The following PCDHGA3 variants were observed in gnomAD, a reference collection of about 807,000 sequenced individuals.
PCDHGA3 encodes the protein protocadherin gamma-A3.
In PCDHGA3, 40 loss-of-function variants were observed where a neutral mutation model predicts 58.5. That is an observed-to-expected ratio of 0.68 (90% confidence interval 0.53 to 0.89). PCDHGA3 has a LOEUF of 0.89. Among genes scored for constraint, PCDHGA3 ranks in the 40% least tolerant of loss-of-function variants. The pLI, the probability that PCDHGA3 is intolerant of heterozygous loss-of-function variation, is 0.00. For missense variants in PCDHGA3, 1,223 were observed against 1,195.9 expected (o/e 1.02, Z -0.33); for synonymous variants, 530 against 525.7 (o/e 1.01, Z -0.11).
intron 1 of PCDHGA3, chr5:141,393,778 A>G (rs756686929): frequency 1.2e-5 from 20 of 1,613,954 alleles, no homozygotes; most frequent in Non-Finnish European, 1.7e-5. Flanking sequence ...ATACAAGCCG[A>G]AGATGTGGGG....
At chr5:141,361,782 C>T (rs1762181637) in intron 1 of PCDHGA3, 3 of 1,613,242 alleles carry the variant, frequency 1.9e-6, no homozygotes, top group Non-Finnish European at 2.5e-6. Flanking sequence ...TGAGCCTGCG[C>T]GTGTTAGTGG....
chr5:141,390,276 C>G (rs1475873829), intron 1 of PCDHGA3: 5 of 1,613,990 alleles, frequency 3.1e-6, no homozygotes, highest in Non-Finnish European at 4.2e-6. Context: ...ATTGACTTCC[C>G]ATCAGGTGAG....
chr5:141,508,714 G>A (rs775462794), intron 3 of PCDHGA3, among the ~76,000 whole-genome samples: 16 of 151,880 alleles, frequency 1.1e-4, no homozygotes, highest in Admixed American at 2.0e-4. Context: ...ATTCTTTTCT[G>A]TGTGCAGGGA....
Position 141,383,071 on chromosome 5 carries a change from G to C in PCDHGA3, c.2424+36614G>C. ...CAAGGACCTGGGGCTGGAGCCCCGGGAGCTGGCGGAGCGCGGAGTCCGCAT... is the reference window on the plus strand; with the variant it reads ...CAAGGACCTGGGGCTGGAGCCCCGGCAGCTGGCGGAGCGCGGAGTCCGCAT... On this transcript the variant is annotated intron_variant, in intron 1 of 3. Coordinates refer to ENST00000253812, the MANE Select transcript of PCDHGA3 (RefSeq NM_018916.4). The C allele has an allele frequency of 1.9e-6, 3 of 1,613,916 alleles. No homozygotes were observed. The South Asian group carries it at 3.3e-5, about 18-fold the overall frequency.
chr5:141,400,717 G>C (rs2094065619), intron 1 of PCDHGA3: 1 of 672,320 alleles, frequency 1.5e-6, no homozygotes. Context: ...TAGCCTTATA[G>C]ATTTACAAAG....
chr5:141,349,390 A>C (rs893933171), intron 1 of PCDHGA3, among the ~76,000 whole-genome samples: 2 of 152,168 alleles, frequency 1.3e-5, no homozygotes, highest in Non-Finnish European at 2.9e-5. Context: ...CATTCATATA[A>C]AAAAGAAGCA....
intron 1 of PCDHGA3, chr5:141,422,145 G>A: frequency 1.3e-6 from 2 of 1,580,726 alleles, no homozygotes; most frequent in Non-Finnish European, 8.6e-7. Context: ...AAGTACGGGG[G>A]TCTCTGGATT....
At position 141,450,754 on chromosome 5, in the gene PCDHGA3, C is replaced by T. The variant is rs192088793; in HGVS notation, c.2425-44053C>T. Among the ~76,000 whole-genome samples, 54 of 151,098 alleles carry T rather than the reference C, an allele frequency of 3.6e-4. 1 individual carries two copies. Among genetic ancestry groups the T allele is most frequent in the African/African-American group, 1.1e-3 (47 of 41,192 alleles). ...CGCCCGCCTTGGCCTCCCAAAGTGC[C>T]GGGATTACAGGCATGAGCCACCGTG... On this transcript the variant is annotated intron_variant, in intron 1 of 3. Transcript: ENST00000253812.
intron 1 of PCDHGA3, chr5:141,350,551 T>A: frequency 1.2e-6 from 2 of 1,614,040 alleles, no homozygotes; most frequent in Non-Finnish European, 1.7e-6. Flanking sequence ...GAAGGAAACT[T>A]GAGTGTGCAC....
At chr5:141,469,896 C>T (rs934040636) in intron 1 of PCDHGA3, among the ~76,000 whole-genome samples, 4 of 152,074 alleles carry the variant, frequency 2.6e-5, no homozygotes, top group Admixed American at 6.5e-5. Context: ...TTTGGGAAGC[C>T]GAGGCAGGCA....
At chr5:141,499,212 G>A (rs904920940) in intron 2 of PCDHGA3, among the ~76,000 whole-genome samples, 1 of 151,898 alleles carries the variant, frequency 6.6e-6, no homozygotes, top group African/African-American at 2.4e-5. Context: ...TGTAACCCAG[G>A]CCCTGCCCTG....
intron 1 of PCDHGA3, chr5:141,419,499 G>A: frequency 6.2e-7 from 1 of 1,612,368 alleles, no homozygotes; most frequent in Non-Finnish European, 8.5e-7. Context: ...GCCAATGTGA[G>A]CCTGCGCGTG....
chr5:141,446,578 GTGAT>G (rs2098507706), intron 1 of PCDHGA3, among the ~76,000 whole-genome samples: 1 of 152,064 alleles, frequency 6.6e-6, no homozygotes, highest in African/African-American at 2.4e-5. Context: ...CCAGGTTCAA[GTGAT>G]TCTTCTGCCT....
chr5:141,463,990 G>C (rs2099073582), intron 1 of PCDHGA3, among the ~76,000 whole-genome samples: 1 of 151,990 alleles, frequency 6.6e-6, no homozygotes, highest in Admixed American at 6.6e-5. Context: ...TAAAAACCAG[G>C]TGCAGTGGCT....
intron 1 of PCDHGA3, among the ~76,000 whole-genome samples, chr5:141,465,140 G>A (rs1019369475): frequency 5.3e-5 from 8 of 151,554 alleles, no homozygotes; most frequent in Non-Finnish European, 7.4e-5. Context: ...AAGTTTAGGG[G>A]ATATATGAAG....
rs749221752 is a variant in PCDHGA3 at position 141,432,670 on chromosome 5, G to T, written c.2425-62137G>T. ...CGCGAGCCCTGCTGGACAGAGACGCGCTCAAGCAGAGCCTCGTAGTGGCCG... is the reference window on the plus strand; with the variant it reads ...CGCGAGCCCTGCTGGACAGAGACGCTCTCAAGCAGAGCCTCGTAGTGGCCG... On this transcript the variant is annotated intron_variant, in intron 1 of 3. Coordinates refer to ENST00000253812, the MANE Select transcript of PCDHGA3 (RefSeq NM_018916.4). This position sits in a 1 kb window ranked among gnomAD's most constrained non-coding sequence, Gnocchi z 6.0. 7 of 1,613,750 alleles carry T rather than the reference G, an allele frequency of 4.3e-6. No homozygotes were observed. The African/African-American group carries it at 5.3e-5, about 12-fold the overall frequency.
intron 1 of PCDHGA3, chr5:141,351,138 A>G (rs1414604500): frequency 1.9e-6 from 3 of 1,614,024 alleles, no homozygotes; most frequent in East Asian, 2.2e-5. Flanking sequence ...CTCAATCCAA[A>G]TACTGGCGAC....
At chr5:141,361,581 C>A (rs1306719531) in intron 1 of PCDHGA3, 2 of 1,614,056 alleles carry the variant, frequency 1.2e-6, no homozygotes, top group Admixed American at 1.7e-5. Context: ...CTGACTTGGG[C>A]CCCAGTGGCC....
intron 1 of PCDHGA3, chr5:141,399,021 C>T (rs2093739749): frequency 1.2e-6 from 2 of 1,613,862 alleles, no homozygotes; most frequent in Non-Finnish European, 1.7e-6. Context: ...GAGAAATTAC[C>T]ACTCAAAAGA....
Sources: gnomAD v4.1 joint callset for allele counts (sites outside exome capture counted in the v4.1 genomes callset) on GRCh38, gnomAD v4.1.1 for gene constraint, Gnocchi (gnomAD v3.1) non-coding constraint, MANE v1.5 for transcripts, NCBI Gene and HGNC (gene_info 2026-07-23, HGNC 2026-07-21) for gene names.